RELN: variants seen among roughly 807,000 people sequenced by gnomAD.
RELN encodes the protein reelin.
RELN carries 108 observed loss-of-function variants against 427.6 expected under a neutral mutation model. The ratio of observed to expected loss-of-function variants is 0.25; its 90% confidence interval spans 0.22 to 0.30. The LOEUF is 0.30. Among genes scored for constraint, RELN ranks in the 10% least tolerant of loss-of-function variants. The pLI, the probability that RELN is intolerant of heterozygous loss-of-function variation, is 1.00. For missense variants in RELN, 3,715 were observed against 4,302.8 expected (o/e 0.86, Z 3.82); for synonymous variants, 1,524 against 1,513.4 (o/e 1.01, Z -0.16).
At position 103,510,631 on chromosome 7, in the gene RELN, A is replaced by T. The variant is rs1018795763; in HGVS notation, c.8274+220T>A. Among the ~76,000 whole-genome samples, 3 of 152,324 alleles carry T rather than the reference A, an allele frequency of 2.0e-5. 1 individual carries two copies. The highest frequency in any genetic ancestry group is 7.2e-5 in the African/African-American group (3 of 41,590). On this transcript the variant is annotated intron_variant, in intron 51 of 64. Coordinates refer to ENST00000428762, the MANE Select transcript of RELN (RefSeq NM_005045.4). ...TGTATCCCAAAACTTAAAGTATAAT[A>T]AAAAAAGATGAAAAAAAGTTTCAAC...
At chr7:103,931,426 C>A (rs1425853987) in intron 1 of RELN, among the ~76,000 whole-genome samples, 4 of 152,190 alleles carry the variant, frequency 2.6e-5, no homozygotes, top group African/African-American at 9.7e-5. Flanking sequence ...AAGCTTACCA[C>A]ATTCTATCTC....
At chr7:103,693,743 C>T (rs962282186) in intron 10 of RELN, among the ~76,000 whole-genome samples, 3 of 151,980 alleles carry the variant, frequency 2.0e-5, no homozygotes, top group Non-Finnish European at 4.4e-5. Flanking sequence ...AGGAATGATG[C>T]TAGAGTTTTT....
At chr7:103,843,527 C>A (rs1325982440) in intron 2 of RELN, among the ~76,000 whole-genome samples, 1 of 152,170 alleles carries the variant, frequency 6.6e-6, no homozygotes, top group Non-Finnish European at 1.5e-5. Context: ...AATAGAAACC[C>A]TGTCCAAATC....
At chr7:103,526,318 A>T (rs991718056) in intron 46 of RELN, among the ~76,000 whole-genome samples, 2 of 152,250 alleles carry the variant, frequency 1.3e-5, no homozygotes, top group Admixed American at 6.5e-5. Context: ...AGAAGAGGAA[A>T]CAGTAAGAAA....
At position 103,586,219 on chromosome 7, in the gene RELN, C is replaced by T. The variant is rs1440454532; in HGVS notation, c.4145+3377G>A. 4.6e-5 allele frequency among the ~76,000 whole-genome samples: 7 copies of T among 151,860 alleles called. No individual in the cohort carries two copies. In the East Asian group the frequency reaches 9.7e-4, roughly 21 times the overall value. On this transcript the variant is annotated intron_variant, in intron 28 of 64. Transcript: ENST00000428762. ...TCTACTAAAAAATACAAAAATTAGC[C>T]GGGCATGGTGATGCTTGCCTGTAAT...
At chr7:103,946,017 C>T (rs1796212916) in intron 1 of RELN, among the ~76,000 whole-genome samples, 1 of 152,114 alleles carries the variant, frequency 6.6e-6, no homozygotes, top group Admixed American at 6.6e-5. Flanking sequence ...AGAATACATC[C>T]CCATTGTTAA....
intron 59 of RELN, among the ~76,000 whole-genome samples, chr7:103,490,179 T>C (rs1042518448): frequency 6.6e-6 from 1 of 152,194 alleles, no homozygotes; most frequent in African/African-American, 2.4e-5. Context: ...CCTACACAGG[T>C]GTATCGTTTT....
In RELN at chr7:103,988,023, C is replaced by G. The variant is rs531070307; in HGVS notation, c.226+1108G>C. ...TTGTCTATCTTAAGTGCTAGCACCC[C>G]GTAGATTATCTCCCGCCATGCCAAT... On this transcript the variant is annotated intron_variant, in intron 1 of 64. Coordinates refer to ENST00000428762, the MANE Select transcript of RELN (RefSeq NM_005045.4). This position sits in a 1 kb window ranked among gnomAD's most constrained non-coding sequence, Gnocchi z 4.9. Among the ~76,000 whole-genome samples the G allele has an allele frequency of 2.4e-4, 37 of 152,150 alleles. No individual in the cohort carries two copies. The highest frequency in any genetic ancestry group is 8.7e-4 in the African/African-American group (36 of 41,508).
rs150758613 is a variant in RELN, at chr7:103,897,592, T to C, written c.337+19483A>G. On this transcript the variant is annotated intron_variant, in intron 2 of 64. Transcript: ENST00000428762. ...TGTTTATATACAAAACTAGCTGGAA[T>C]GTTTTGGAAAGACTTGACAAAAATA... Among the ~76,000 whole-genome samples the C allele has an allele frequency of 5.7e-3, 874 of 152,224 alleles. 5 individuals are homozygous for C. The highest frequency in any genetic ancestry group is 0.014 in the Middle Eastern group (4 of 294).
chr7:103,556,999 T>G lies in RELN; in HGVS notation c.5775A>C (p.Arg1925Ser). The G allele has an allele frequency of 6.2e-7, 1 of 1,613,442 alleles. No homozygotes were observed. The highest frequency in any genetic ancestry group is 8.5e-7 in the Non-Finnish European group (1 of 1,179,386). The change falls in exon 38 of 65, where the codon AGA (arginine) becomes AGC (serine). Residue 1925 changes from arginine to serine, a missense_variant. Transcript: ENST00000428762. ...TACCGTTATTATAAGGTTGCCAGAGTCTGAATCTTGTAGCATTGGTTTGGG... is the reference window on the plus strand; with the variant it reads ...TACCGTTATTATAAGGTTGCCAGAGGCTGAATCTTGTAGCATTGGTTTGGG... ...YTAQTNATRF[R>S]LWQPYNNGKK...
At chr7:103,859,920 T>A (rs917904582) in intron 2 of RELN, among the ~76,000 whole-genome samples, 8 of 152,152 alleles carry the variant, frequency 5.3e-5, no homozygotes, top group Non-Finnish European at 1.0e-4. Context: ...GATGACTTCA[T>A]TAAAAAAACA....
chr7:103,611,536 A>ATTTTTTT, intron 21 of RELN, 75 bp downstream of exon 21: 2 of 945,670 alleles, frequency 2.1e-6, no homozygotes, highest in East Asian at 2.7e-5. Flanking sequence ...TAGAACTGTA[A>ATTTTTTT]TTTTTTTTTT....
Position 103,492,038 on chromosome 7 carries a change from A to G in RELN, c.9370-12T>C. ...CAACCCACCACAATCTAAAACAAAC[A>G]TAAACAATCAATACACAGGTAAGAT... is the stretch of plus-strand genomic sequence containing the variant. On this transcript the variant is annotated splice_polypyrimidine_tract_variant and intron_variant, in intron 57 of 64. Coordinates refer to ENST00000428762, the MANE Select transcript of RELN (RefSeq NM_005045.4). 1 of 1,593,550 alleles carries G rather than the reference A, an allele frequency of 6.3e-7. No homozygotes were observed. The highest frequency in any genetic ancestry group is 8.5e-7 in the Non-Finnish European group (1 of 1,170,246).
rs1423586023 is a variant in RELN, at chr7:103,551,930, TGTGTGTGG to T, written c.6073-642_6073-635del. Among the ~76,000 whole-genome samples the T allele has an allele frequency of 4.8e-5, 7 of 145,642 alleles. No individual in the cohort carries two copies. In the East Asian group the frequency reaches 1.4e-3, roughly 30 times the overall value. The stretch of plus-strand genomic sequence containing the variant: ...ACCTTCCATAGTTACCTTCTGTGTG[TGTGTGTGG>T]GTGTGTGTGTGTGTGTGTGTGGTAA... On this transcript the variant is annotated intron_variant, in intron 40 of 64. Transcript: ENST00000428762.
intron 1 of RELN, among the ~76,000 whole-genome samples, chr7:103,936,865 G>T (rs1421935351): frequency 6.6e-6 from 1 of 151,882 alleles, no homozygotes. Flanking sequence ...AACTATATTT[G>T]CTTTGAACTA....
rs58239018 is a variant in RELN, at chr7:103,518,505, G to GTTTTTTTTTT, written c.7862+808_7862+817dup. Among the ~76,000 whole-genome samples, 11 of 114,396 alleles carry GTTTTTTTTTT rather than the reference G, an allele frequency of 9.6e-5. 1 individual carries two copies. The highest frequency in any genetic ancestry group is 3.2e-4 in the African/African-American group (7 of 21,826). The allele number at this position is 114,396 out of a possible 152,430, so 75.0% of individuals were successfully genotyped here. A position where few individuals can be genotyped will look rare whatever the true frequency, so the allele number is the denominator to read the frequency against. ...ATGCCACCACACCCAGGTAATTTAA[G>GTTTTTTTTTT]TTTTTTTTTTTTTTGGTAAAATGTC... On this transcript the variant is annotated intron_variant, in intron 49 of 64. Transcript: ENST00000428762.
intron 3 of RELN, among the ~76,000 whole-genome samples, chr7:103,805,238 A>G (rs1792569765): frequency 6.6e-6 from 1 of 152,178 alleles, no homozygotes; most frequent in African/African-American, 2.4e-5. Flanking sequence ...ACAGGATGCT[A>G]CTGTGAGTAC....
chr7:103,969,693 T>G lies in RELN; in HGVS notation c.226+19438A>C, dbSNP rs528689022. On this transcript the variant is annotated intron_variant, in intron 1 of 64. Coordinates refer to ENST00000428762, the MANE Select transcript of RELN (RefSeq NM_005045.4). The stretch of plus-strand genomic sequence containing the variant: ...ACTAGGAGAAAGGATTATGAAAATG[T>G]TTTTGTAATCTGAGGATTCAGGAAG... 3.9e-5 allele frequency among the ~76,000 whole-genome samples: 6 copies of G among 152,320 alleles called. No individual in the cohort carries two copies. The East Asian group carries it at 1.2e-3, about 29-fold the overall frequency.
chr7:103,664,809 G>A (rs190341883), intron 11 of RELN, among the ~76,000 whole-genome samples: 2 of 151,914 alleles, frequency 1.3e-5, no homozygotes, highest in African/African-American at 2.4e-5. Flanking sequence ...TTTGTATTAG[G>A]ATCACTCTTT....
Sources: allele counts gnomAD v4.1 joint callset (sites outside exome capture counted in the v4.1 genomes callset), GRCh38; gene constraint gnomAD v4.1.1; non-coding constraint Gnocchi (gnomAD v3.1); transcripts MANE v1.5; gene names NCBI Gene and HGNC (gene_info 2026-07-23, HGNC 2026-07-21).